The following CPNE4 variants were observed in gnomAD, a reference collection of about 807,000 sequenced individuals.
CPNE4 encodes copine 4, also known as copine-4.
CPNE4 carries 25 observed loss-of-function variants against 67.9 expected under a neutral mutation model. That is an observed-to-expected ratio of 0.37 (90% CI 0.27 to 0.51). The LOEUF is 0.51. CPNE4 is among the 20% of genes least tolerant of loss of function. The pLI is 0.93. For synonymous variants in CPNE4, 242 were observed against 244.9 expected (o/e 0.99, Z 0.11); for missense variants, 464 against 690.8 (o/e 0.67, Z 3.68).
intron 2 of CPNE4, among the ~76,000 whole-genome samples, chr3:131,747,360 T>A (rs867205242): frequency 6.6e-6 from 1 of 152,102 alleles, no homozygotes; most frequent in African/African-American, 2.4e-5. Context: ...CCTATACTGA[T>A]GCAATGGAGT....
At chr3:131,838,392 C>G (rs1011963502) in intron 2 of CPNE4, among the ~76,000 whole-genome samples, 1 of 151,662 alleles carries the variant, frequency 6.6e-6, no homozygotes, top group Admixed American at 6.6e-5. Flanking sequence ...CAACAGAGAA[C>G]AGAGAAAATT....
At chr3:131,895,758 G>A (rs531184095) in intron 2 of CPNE4, among the ~76,000 whole-genome samples, 27 of 152,096 alleles carry the variant, frequency 1.8e-4, no homozygotes, top group African/African-American at 6.5e-4. Context: ...ACAAATAATT[G>A]CAGTACCTCT....
intron 7 of CPNE4, among the ~76,000 whole-genome samples, chr3:131,628,953 G>A (rs2079150918): frequency 6.6e-6 from 1 of 152,074 alleles, no homozygotes; most frequent in African/African-American, 2.4e-5. Context: ...TTTTGGATGT[G>A]TTTGCTCTTG....
intron 7 of CPNE4, among the ~76,000 whole-genome samples, chr3:131,599,191 C>A (rs377060353): frequency 3.9e-5 from 6 of 152,118 alleles, no homozygotes; most frequent in Admixed American, 2.6e-4. Context: ...ACATTTGACA[C>A]AAAATTAGTT....
chr3:131,866,336 C>A (rs966290470), intron 2 of CPNE4, among the ~76,000 whole-genome samples: 11 of 152,316 alleles, frequency 7.2e-5, no homozygotes, highest in African/African-American at 1.9e-4. Context: ...TACCACAATG[C>A]TAGGGCTGAG....
At chr3:131,785,540 C>T (rs565194744) in intron 2 of CPNE4, among the ~76,000 whole-genome samples, 40 of 152,048 alleles carry the variant, frequency 2.6e-4, no homozygotes, top group Admixed American at 4.6e-4. Flanking sequence ...TATTGTTTCT[C>T]TCCTCTTGAC....
chr3:131,609,545 G>T (rs1242852546), intron 7 of CPNE4, among the ~76,000 whole-genome samples: 1 of 152,140 alleles, frequency 6.6e-6, no homozygotes, highest in African/African-American at 2.4e-5. Flanking sequence ...CTGAATCATT[G>T]TATGAAGACT....
In CPNE4 at chr3:131,955,022, G is replaced by A. The variant is rs549423311; in HGVS notation, c.-1-49578C>T. On this transcript the variant is annotated intron_variant, in intron 1 of 15. Coordinates refer to ENST00000429747, the MANE Select transcript of CPNE4 (RefSeq NM_130808.3). ...ACAGATACGCACACCAATTTCAGCT[G>A]AGCACATAACCACCAGCTAGAAATC... Among the ~76,000 whole-genome samples, 66 of 148,312 alleles carry A rather than the reference G, an allele frequency of 4.5e-4. 1 individual carries two copies. The South Asian group carries it at 0.013, about 30-fold the overall frequency.
intron 1 of CPNE4, among the ~76,000 whole-genome samples, chr3:132,001,698 A>G (rs2073455196): frequency 6.6e-6 from 1 of 152,122 alleles, no homozygotes; most frequent in African/African-American, 2.4e-5. Flanking sequence ...CAGATTCTTC[A>G]TGTCTGCATG....
In CPNE4 at chr3:131,640,677, A is replaced by G. The variant is rs1045468980; in HGVS notation, c.681+28998T>C. 6.0e-4 allele frequency among the ~76,000 whole-genome samples: 91 copies of G among 152,166 alleles called. 2 individuals are homozygous for G. Among genetic ancestry groups the G allele is most frequent in the Non-Finnish European group, 1.2e-4 (8 of 68,020 alleles). ...ACTAGAAAAAACAATCCTAAAATTC[A>G]TATAGAACCAAAAAGGAGCCTGCAT... On this transcript the variant is annotated intron_variant, in intron 7 of 15. Transcript: ENST00000429747.
rs969698737 is a variant in CPNE4 at position 131,993,966 on chromosome 3, G to A, written c.-2+40601C>T. ...AGGCCATTAGAACTAAGTGAGCTTAGCAAAGTTGCATTGTAGAAAGACAAT... is the reference window on the plus strand; with the variant it reads ...AGGCCATTAGAACTAAGTGAGCTTAACAAAGTTGCATTGTAGAAAGACAAT... On this transcript the variant is annotated intron_variant, in intron 1 of 15. Transcript: ENST00000429747. 6.6e-5 allele frequency among the ~76,000 whole-genome samples: 9 copies of A among 136,284 alleles called. 1 individual carries two copies. Among genetic ancestry groups the A allele is most frequent in the African/African-American group, 2.2e-4 (9 of 40,674 alleles). 89.4% of individuals were successfully genotyped at this position (136,284 alleles called of 152,430 possible).
chr3:132,015,270 A>G (rs1424752093), intron 1 of CPNE4, among the ~76,000 whole-genome samples: 1 of 152,194 alleles, frequency 6.6e-6, no homozygotes, highest in African/African-American at 2.4e-5. Context: ...TATTTATAAC[A>G]CAGAGAGTTA....
At chr3:131,936,919 A>C (rs1388120852) in intron 1 of CPNE4, among the ~76,000 whole-genome samples, 1 of 151,846 alleles carries the variant, frequency 6.6e-6, no homozygotes, top group East Asian at 1.9e-4. Flanking sequence ...AGAAGAGTAC[A>C]TAAGACAGCA....
At chr3:131,925,088 T>C (rs2070856429) in intron 1 of CPNE4, among the ~76,000 whole-genome samples, 1 of 152,156 alleles carries the variant, frequency 6.6e-6, no homozygotes, top group Non-Finnish European at 1.5e-5. Flanking sequence ...TGTGGATTCC[T>C]TCCTCTCGTC....
chr3:132,034,256 C>G (rs2074301115), intron 1 of CPNE4, among the ~76,000 whole-genome samples: 1 of 152,060 alleles, frequency 6.6e-6, no homozygotes, highest in Admixed American at 6.5e-5. Flanking sequence ...TCGGGACTTC[C>G]CTGACCTATC....
At chr3:131,910,704 A>G (rs2088943755) in intron 1 of CPNE4, among the ~76,000 whole-genome samples, 1 of 152,188 alleles carries the variant, frequency 6.6e-6, no homozygotes, top group Non-Finnish European at 1.5e-5. Flanking sequence ...CATTCCCAAG[A>G]AAAGAGGCAG....
intron 11 of CPNE4, among the ~76,000 whole-genome samples, chr3:131,559,060 A>C (rs998195888): frequency 2.0e-5 from 3 of 152,046 alleles, no homozygotes; most frequent in Non-Finnish European, 4.4e-5. Context: ...GTAGCATCAT[A>C]TACAAGAAGA....
chr3:131,774,737 C>T (rs1320335253), intron 2 of CPNE4, among the ~76,000 whole-genome samples: 1 of 152,134 alleles, frequency 6.6e-6, no homozygotes, highest in Non-Finnish European at 1.5e-5. Context: ...TGCTGCCTTT[C>T]ACTTCCCTGC....
At chr3:131,873,080 A>G (rs1240253530) in intron 2 of CPNE4, among the ~76,000 whole-genome samples, 1 of 152,210 alleles carries the variant, frequency 6.6e-6, no homozygotes. Context: ...GGTCCTACAT[A>G]TCAACTTTTA....
Sources: allele counts gnomAD v4.1 joint callset (sites outside exome capture counted in the v4.1 genomes callset), GRCh38; gene constraint gnomAD v4.1.1; transcripts MANE v1.5; gene names NCBI Gene and HGNC (gene_info 2026-07-23, HGNC 2026-07-21).